The following CBFA2T3 variants were observed in gnomAD, a reference collection of about 807,000 sequenced individuals.
CBFA2T3 encodes the protein CBFA2/RUNX1 partner transcriptional co-repressor 3, also known as transcriptional corepressor CBFA2T3.
In CBFA2T3, 31 loss-of-function variants were observed where a neutral mutation model predicts 58.6. The observed-to-expected ratio is 0.53, with a 90% confidence interval of 0.40 to 0.71. The LOEUF (loss-of-function observed/expected upper bound fraction) is 0.71. CBFA2T3 is among the 30% of genes least tolerant of loss of function. CBFA2T3 has a pLI of 0.00. For missense variants in CBFA2T3, 1,076 were observed against 963.1 expected (o/e 1.12, Z -1.55); for synonymous variants, 531 against 421.9 (o/e 1.26, Z -3.17).
chr16:88,882,673 C>T lies in CBFA2T3; in HGVS notation c.1203+3G>A. 6.4e-7 allele frequency: 1 copy of T among 1,571,648 alleles called. No homozygotes were observed. Among genetic ancestry groups the T allele is most frequent in the Non-Finnish European group, 8.6e-7 (1 of 1,156,144 alleles). ...GTGGGCGTGGCTGTGTGTGGACACTCACGTTGTTGAGGTGCTTCCACTCTT... is the reference window on the plus strand; with the variant it reads ...GTGGGCGTGGCTGTGTGTGGACACTTACGTTGTTGAGGTGCTTCCACTCTT... On this transcript the variant is annotated splice_donor_region_variant and intron_variant, in intron 8 of 11. Transcript: ENST00000268679.
intron 1 of CBFA2T3, among the ~76,000 whole-genome samples, chr16:88,970,998 G>T (rs999727539): frequency 6.6e-6 from 1 of 152,158 alleles, no homozygotes; most frequent in South Asian, 2.1e-4. Context: ...TTGTGGAGCC[G>T]CCAGGCAGCC....
chr16:88,891,040 G>A (rs1969609503), intron 5 of CBFA2T3, among the ~76,000 whole-genome samples: 1 of 152,076 alleles, frequency 6.6e-6, no homozygotes, highest in African/African-American at 2.4e-5. Context: ...AAGCTGACAA[G>A]CCCCGCGTGC....
At chr16:88,963,557 C>G (rs1972422019) in intron 1 of CBFA2T3, among the ~76,000 whole-genome samples, 1 of 152,164 alleles carries the variant, frequency 6.6e-6, no homozygotes, top group African/African-American at 2.4e-5. Flanking sequence ...ACACCCTCCC[C>G]ATGGTGACCC....
At chr16:88,921,164 G>A (rs997677838) in intron 1 of CBFA2T3, among the ~76,000 whole-genome samples, 3 of 152,218 alleles carry the variant, frequency 2.0e-5, no homozygotes, top group Non-Finnish European at 2.9e-5. Flanking sequence ...GGAAAGGGGA[G>A]GAAAATATTT....
Position 88,876,928 on chromosome 16 carries a change from G to A in CBFA2T3, c.*48C>T. ...ACAGCATCCGGTGGGCCTGGAGCTG[G>A]GTGGGGTTGGCACGGTGCTGTGTCC... On this transcript the variant is annotated 3_prime_UTR_variant, in exon 12 of 12. Transcript: ENST00000268679. The A allele has an allele frequency of 7.5e-7, 1 of 1,330,788 alleles. No homozygotes were observed. Among genetic ancestry groups the A allele is most frequent in the Non-Finnish European group, 9.8e-7 (1 of 1,024,970 alleles). The allele number at this position is 1,330,788 out of a possible 1,614,324, so 82.4% of individuals were successfully genotyped here.
Position 88,936,489 on chromosome 16 carries a change from A to T in CBFA2T3, c.152-34833T>A, listed in dbSNP as rs960996281. ...CAGGGGCAGCCGAGTATCCACCACG[A>T]CCCCAGCCTCAGGGGCAGCCGAGTA... On this transcript the variant is annotated intron_variant, in intron 1 of 11. Coordinates refer to ENST00000268679, the MANE Select transcript of CBFA2T3 (RefSeq NM_005187.6). 1.5e-4 allele frequency among the ~76,000 whole-genome samples: 23 copies of T among 150,640 alleles called. 1 individual carries two copies. The highest frequency in any genetic ancestry group is 1.5e-3 in the Admixed American group (22 of 15,160).
At chr16:88,942,025 G>A (rs907352143) in intron 1 of CBFA2T3, among the ~76,000 whole-genome samples, 2 of 151,952 alleles carry the variant, frequency 1.3e-5, no homozygotes, top group Non-Finnish European at 1.5e-5. Flanking sequence ...CTCCCGGGCG[G>A]GTCCGATGCG....
At chr16:88,917,671 A>G (rs1970781071) in intron 1 of CBFA2T3, among the ~76,000 whole-genome samples, 1 of 152,200 alleles carries the variant, frequency 6.6e-6, no homozygotes, top group Non-Finnish European at 1.5e-5. Context: ...CTAAGGAATA[A>G]TTAGGGTCTG....
At chr16:88,952,069 T>C (rs1247330708) in intron 1 of CBFA2T3, among the ~76,000 whole-genome samples, 1 of 152,208 alleles carries the variant, frequency 6.6e-6, no homozygotes, top group African/African-American at 2.4e-5. Context: ...CCCAGGAGCC[T>C]GTGAGATCTA....
At chr16:88,940,537 G>A (rs978597413) in intron 1 of CBFA2T3, among the ~76,000 whole-genome samples, 2 of 152,368 alleles carry the variant, frequency 1.3e-5, no homozygotes, top group East Asian at 1.9e-4. Context: ...CGCATGCCAG[G>A]CAGGGTCCAG....
chr16:88,876,831 G>A lies in CBFA2T3; in HGVS notation c.*145C>T, dbSNP rs1434464855. 5.1e-6 allele frequency: 3 copies of A among 587,854 alleles called. No homozygotes were observed. In the Admixed American group the frequency reaches 1.2e-4, roughly 23 times the overall value. The allele number at this position is 587,854 out of a possible 1,614,324, so 36.4% of individuals were successfully genotyped here. ...CTTTCGGAGAGGGGCAGTAGCAGCA[G>A]TGACTAATTGGTCGGCTCCCCCAGG... On this transcript the variant is annotated 3_prime_UTR_variant, in exon 12 of 12. Coordinates refer to ENST00000268679, the MANE Select transcript of CBFA2T3 (RefSeq NM_005187.6).
rs374845668 is a variant in CBFA2T3 at position 88,950,188 on chromosome 16, C to T, written c.151+26469G>A. On this transcript the variant is annotated intron_variant, in intron 1 of 11. Transcript: ENST00000268679. Reference sequence around the variant, plus strand: ...CTGTTCTCCAGGGCAGGAACCACATCGGTCTGTTCACCCCTCCCCTGGACC... The same window carrying T: ...CTGTTCTCCAGGGCAGGAACCACATTGGTCTGTTCACCCCTCCCCTGGACC... The T allele has an allele frequency of 9.3e-5, 38 of 406,740 alleles. 3 individuals carry two copies. The highest frequency in any genetic ancestry group is 6.3e-4 in the African/African-American group (27 of 42,548). The allele number at this position is 406,740 out of a possible 1,614,324, so 25.2% of individuals were successfully genotyped here. A position where few individuals can be genotyped will look rare whatever the true frequency, so the allele number is the denominator to read the frequency against.
chr16:88,958,123 A>G lies in CBFA2T3; in HGVS notation c.151+18534T>C, dbSNP rs1358170491. ...GTCAGCGCACCAGGGCAGTAGCGGG[A>G]TGGGTGTCAAGGCCGTGCACACCCA... On this transcript the variant is annotated intron_variant, in intron 1 of 11. Coordinates refer to ENST00000268679, the MANE Select transcript of CBFA2T3 (RefSeq NM_005187.6). This position sits in a 1 kb window ranked among gnomAD's most constrained non-coding sequence, Gnocchi z 4.0. Among the ~76,000 whole-genome samples the G allele has an allele frequency of 1.3e-5, 2 of 152,154 alleles. No homozygotes were observed. The highest frequency in any genetic ancestry group is 2.9e-5 in the Non-Finnish European group (2 of 68,042).
In CBFA2T3 at chr16:88,875,855, G is replaced by T. The variant is rs1422146692; in HGVS notation, c.*1121C>A. 8.6e-6 allele frequency: 2 copies of T among 233,246 alleles called. No individual in the cohort carries two copies. The highest frequency in any genetic ancestry group is 1.7e-5 in the Non-Finnish European group (2 of 117,974). 14.4% of individuals were successfully genotyped at this position (233,246 alleles called of 1,614,324 possible). A position where few individuals can be genotyped will look rare whatever the true frequency, so the allele number is the denominator to read the frequency against. On this transcript the variant is annotated 3_prime_UTR_variant, in exon 12 of 12. Transcript: ENST00000268679. ...AACGGAAATATGAAAAGTCACAGGG[G>T]GCGTGAGGACAGACGGCGTGTCCTT...
intron 10 of CBFA2T3, 35 bp from the exon 11 acceptor site, chr16:88,879,495 G>A (rs756541203): frequency 4.4e-6 from 7 of 1,588,364 alleles, no homozygotes; most frequent in Non-Finnish European, 5.2e-6. Context: ...GCGGTCACAT[G>A]GGCCATCCCA....
intron 1 of CBFA2T3, among the ~76,000 whole-genome samples, chr16:88,948,511 A>G (rs1431469647): frequency 2.0e-5 from 3 of 152,212 alleles, no homozygotes; most frequent in African/African-American, 7.2e-5. Context: ...CCACAAGGTC[A>G]AGGAGACCCT....
intron 1 of CBFA2T3, among the ~76,000 whole-genome samples, chr16:88,941,377 G>GCTCCCC (rs1555542460): frequency 1.4e-5 from 2 of 144,744 alleles, no homozygotes; most frequent in African/African-American, 5.0e-5. Flanking sequence ...CGCCCCGCGC[G>GCTCCCC]CTCCGCCTCC....
At chr16:88,915,970 G>C (rs1411934462) in intron 1 of CBFA2T3, among the ~76,000 whole-genome samples, 3 of 152,140 alleles carry the variant, frequency 2.0e-5, no homozygotes, top group African/African-American at 7.2e-5. Flanking sequence ...GGGTGCATGG[G>C]TCTGTATTCA....
At chr16:88,903,693 G>GCA (rs559136622) in intron 1 of CBFA2T3, among the ~76,000 whole-genome samples, 1 of 133,936 alleles carries the variant, frequency 7.5e-6, no homozygotes, top group African/African-American at 2.8e-5. Context: ...GGCATTCCTG[G>GCA]GGGGGGCGTT....
Sources: gnomAD v4.1 joint callset for allele counts (sites outside exome capture counted in the v4.1 genomes callset) on GRCh38, gnomAD v4.1.1 for gene constraint, Gnocchi (gnomAD v3.1) non-coding constraint, MANE v1.5 for transcripts, NCBI Gene and HGNC (gene_info 2026-07-23, HGNC 2026-07-21) for gene names.